The following ADGRV1 variants were observed in gnomAD, a reference collection of about 807,000 sequenced individuals.
ADGRV1 encodes G-protein coupled receptor 98.
In ADGRV1, 359 loss-of-function variants were observed where a neutral mutation model predicts 596.2. That is an observed-to-expected ratio of 0.60 (90% CI 0.55 to 0.66). The LOEUF is 0.66. ADGRV1 is among the 30% of genes least tolerant of loss of function. ADGRV1 has a pLI of 0.00. For synonymous variants in ADGRV1, 2,681 were observed against 2,679.2 expected (o/e 1.00, Z -0.02); for missense variants, 7,274 against 7,575.6 (o/e 0.96, Z 1.48).
chr5:90,809,804 G>T (rs1321407408), intron 73 of ADGRV1, among the ~76,000 whole-genome samples: 3 of 152,156 alleles, frequency 2.0e-5, no homozygotes, highest in Non-Finnish European at 4.4e-5. Context: ...TCCATTACTG[G>T]CAGCTGAAGA....
intron 6 of ADGRV1, chr5:90,625,594 T>C (rs1352118134): frequency 6.2e-6 from 1 of 161,862 alleles, no homozygotes; most frequent in African/African-American, 2.4e-5. Context: ...TGGTATTCTT[T>C]TGTTTTTATT....
At chr5:91,115,687 C>A (rs1471602664) in intron 87 of ADGRV1, among the ~76,000 whole-genome samples, 1 of 152,106 alleles carries the variant, frequency 6.6e-6, no homozygotes, top group African/African-American at 2.4e-5. Context: ...TGGCTTATGC[C>A]CATAATCCCA....
At chr5:90,772,809 C>A (rs1049986936) in intron 59 of ADGRV1, among the ~76,000 whole-genome samples, 2 of 152,200 alleles carry the variant, frequency 1.3e-5, no homozygotes, top group African/African-American at 4.8e-5. Context: ...TAGTAAATAG[C>A]CATTGTCAGA....
intron 85 of ADGRV1, among the ~76,000 whole-genome samples, chr5:91,001,267 C>T (rs137877524): frequency 1.5e-4 from 23 of 151,954 alleles, no homozygotes; most frequent in African/African-American, 5.5e-4. Context: ...TTGTGGAGAC[C>T]AGGTCTCACT....
At chr5:90,703,853 G>T (rs1748232143) in intron 35 of ADGRV1, 58 bp downstream of exon 35, 1 of 1,271,288 alleles carries the variant, frequency 7.9e-7, no homozygotes. Context: ...GTATTTTGAG[G>T]AAAATGGGAT....
At chr5:90,887,072 C>A (rs765754585) in intron 83 of ADGRV1, among the ~76,000 whole-genome samples, 1 of 152,096 alleles carries the variant, frequency 6.6e-6, no homozygotes, top group Non-Finnish European at 1.5e-5. Flanking sequence ...TCTATTGATA[C>A]CCTTTTACAG....
intron 16 of ADGRV1, 39 bp from the exon 17 acceptor site, chr5:90,647,459 C>A: frequency 1.9e-6 from 3 of 1,569,874 alleles, no homozygotes; most frequent in South Asian, 2.4e-5. Flanking sequence ...GTGATGGAAT[C>A]AGAAAAGCTC....
chr5:91,082,294 T>C (rs1250516490), intron 86 of ADGRV1, among the ~76,000 whole-genome samples: 4 of 152,228 alleles, frequency 2.6e-5, no homozygotes, highest in Admixed American at 2.6e-4. Flanking sequence ...GCCATTGTTC[T>C]CCAAATTAAT....
intron 67 of ADGRV1, among the ~76,000 whole-genome samples, chr5:90,787,541 A>G (rs1759584266): frequency 6.6e-6 from 1 of 150,628 alleles, no homozygotes; most frequent in Admixed American, 6.6e-5. Flanking sequence ...CATGAATACT[A>G]TAGGTATGTA....
intron 83 of ADGRV1, among the ~76,000 whole-genome samples, chr5:90,954,969 T>C (rs1727731969): frequency 6.6e-6 from 1 of 151,884 alleles, no homozygotes; most frequent in Non-Finnish European, 1.5e-5. Context: ...GGGGCCTTTA[T>C]TTGGGAGGTA....
chr5:91,093,705 G>A (rs1423420466), intron 86 of ADGRV1, among the ~76,000 whole-genome samples: 1 of 152,198 alleles, frequency 6.6e-6, no homozygotes, highest in Non-Finnish European at 1.5e-5. Flanking sequence ...GAAGTAGGCA[G>A]GGACTGGTGG....
At chr5:91,026,687 A>G (rs1428857797) in intron 85 of ADGRV1, among the ~76,000 whole-genome samples, 2 of 152,150 alleles carry the variant, frequency 1.3e-5, no homozygotes, top group African/African-American at 4.8e-5. Flanking sequence ...AGGAGTGCCA[A>G]AAAGACCTGG....
chr5:91,090,297 G>T (rs551364689), intron 86 of ADGRV1, among the ~76,000 whole-genome samples: 30 of 152,240 alleles, frequency 2.0e-4, no homozygotes, highest in African/African-American at 6.7e-4. Context: ...TGCGAGGTCT[G>T]TGTGGGTATG....
At chr5:91,083,314 C>G (rs1366620996) in intron 86 of ADGRV1, among the ~76,000 whole-genome samples, 4 of 151,978 alleles carry the variant, frequency 2.6e-5, no homozygotes, top group Non-Finnish European at 4.4e-5. Context: ...ATGGGTGCAG[C>G]ACACCAACAT....
At chr5:90,959,749 A>G (rs765198460) in intron 83 of ADGRV1, among the ~76,000 whole-genome samples, 1 of 152,214 alleles carries the variant, frequency 6.6e-6, no homozygotes, top group African/African-American at 2.4e-5. Context: ...TTTGGAAAAA[A>G]ATCAAAATAA....
At chr5:91,104,649 T>A (rs1791684692) in intron 87 of ADGRV1, among the ~76,000 whole-genome samples, 1 of 152,118 alleles carries the variant, frequency 6.6e-6, no homozygotes, top group Non-Finnish European at 1.5e-5. Context: ...GAGATCAACA[T>A]TTTTTAGCTT....
chr5:90,823,416 T>G lies in ADGRV1; in HGVS notation c.16197-9T>G. The stretch of plus-strand genomic sequence containing the variant: ...TCTGTTAAGGCATTGGTGGGTTTCT[T>G]GCTCACAGGGCCTTTGAAGATGTCA... On this transcript the variant is annotated splice_polypyrimidine_tract_variant and intron_variant, in intron 75 of 89. Coordinates refer to ENST00000405460, the MANE Select transcript of ADGRV1 (RefSeq NM_032119.4). 6.2e-7 allele frequency: 1 copy of G among 1,612,882 alleles called. No homozygotes were observed. Among genetic ancestry groups the G allele is most frequent in the South Asian group, 1.1e-5 (1 of 90,604 alleles).
At chr5:90,667,932 G>A (rs1194245727) in intron 21 of ADGRV1, among the ~76,000 whole-genome samples, 1 of 151,990 alleles carries the variant, frequency 6.6e-6, no homozygotes, top group South Asian at 2.1e-4. Flanking sequence ...GGGGGTCAGG[G>A]GTCAGGCACC....
chr5:90,629,162 C>T (rs750407310), intron 8 of ADGRV1, 48 bp from the exon 9 acceptor site: 1 of 1,063,326 alleles, frequency 9.4e-7, no homozygotes, highest in East Asian at 2.6e-5. Context: ...GTTTGATCAT[C>T]TCAGATGCGA....
Sources: allele counts gnomAD v4.1 joint callset (sites outside exome capture counted in the v4.1 genomes callset), GRCh38; gene constraint gnomAD v4.1.1; transcripts MANE v1.5; gene names NCBI Gene and HGNC (gene_info 2026-07-23, HGNC 2026-07-21).